ZC3H13: variants seen among roughly 807,000 people sequenced by gnomAD.
The protein encoded by ZC3H13 is zinc finger CCCH domain-containing protein 13.
A neutral mutation model predicts 204.1 loss-of-function variants in ZC3H13; 64 were observed. The observed-to-expected ratio is 0.31, with a 90% CI of 0.26 to 0.39. ZC3H13 has a LOEUF of 0.39. Among genes scored for constraint, ZC3H13 ranks in the 10% least tolerant of loss-of-function variants. ZC3H13 has a pLI of 1.00. For synonymous variants in ZC3H13, 667 were observed against 693.7 expected, an observed-to-expected ratio of 0.96 and a Z score of 0.60; for missense variants, 1,833 against 2,082.7, an observed-to-expected ratio of 0.88 and a Z score of 2.33.
At chr13:45,976,044 C>T (rs1953016556) in intron 11 of ZC3H13, 1 of 837,640 alleles carries the variant, frequency 1.2e-6, no homozygotes, top group Admixed American at 6.2e-5. Context: ...TATTTGCCCT[C>T]TAACGACCAT....
At chr13:45,980,083 T>G (rs1953424786) in intron 10 of ZC3H13, 79 bp from the exon 11 acceptor site, 8 of 1,157,824 alleles carry the variant, frequency 6.9e-6, no homozygotes, top group Middle Eastern at 2.8e-4. Context: ...TCTTTCCTCC[T>G]AAACATCACT....
intron 4 of ZC3H13, among the ~76,000 whole-genome samples, chr13:46,039,570 C>A (rs79109188): frequency 0.014 from 2,086 of 152,188 alleles, 40 homozygotes; most frequent in African/African-American, 0.047. Context: ...CAGATGTTTG[C>A]TCCTTATACT....
chr13:45,969,052 T>C lies in ZC3H13; in HGVS notation c.3492A>G (p.Arg1164=). 1 of 1,614,214 alleles carries C rather than the reference T, an allele frequency of 6.2e-7. No homozygotes were observed. Among genetic ancestry groups the C allele is most frequent in the Non-Finnish European group, 8.5e-7 (1 of 1,180,032 alleles). Residue 1164 remains arginine, a synonymous_variant, in exon 14 of 19, where the codon CGA becomes CGG. Transcript: ENST00000679008. ...EDSHRKCHRT[R]VEKVETPHVT... ...CGTGAGGCGTCTCTACTTTTTCTAC[T>C]CGTGTTCTGTGGCATTTTCTGTGTG... is the stretch of plus-strand genomic sequence containing the variant.
intron 12 of ZC3H13, among the ~76,000 whole-genome samples, chr13:45,972,095 A>G (rs1053792007): frequency 6.6e-6 from 1 of 152,090 alleles, no homozygotes; most frequent in African/African-American, 2.4e-5. Context: ...CAGTATGGAG[A>G]GTCCCTAAAG....
rs901319444 is a variant in ZC3H13, at chr13:45,976,336, G to A, written c.1913-498C>T. 3.6e-6 allele frequency: 3 copies of A among 837,042 alleles called. No homozygotes were observed. In the African/African-American group the frequency reaches 5.5e-5, roughly 15 times the overall value. 51.9% of individuals were successfully genotyped at this position (837,042 alleles called of 1,614,324 possible). ...CAGGCCAAAATATATACACATCAAA[G>A]TGCAGCTATTATGTGAGGAAAATAT... is the stretch of plus-strand genomic sequence containing the variant. On this transcript the variant is annotated intron_variant, in intron 11 of 18. Coordinates refer to ENST00000679008, the MANE Select transcript of ZC3H13 (RefSeq NM_001330564.2).
Position 45,969,989 on chromosome 13 carries a change from G to T in ZC3H13, c.2573-18C>A. Reference sequence around the variant, plus strand: ...TTTTTCATCTATATAAAAGATAAAAGCAATCACACTCTCACCAGGTTAGTA... The same window carrying T: ...TTTTTCATCTATATAAAAGATAAAATCAATCACACTCTCACCAGGTTAGTA... On this transcript the variant is annotated intron_variant, in intron 13 of 18. Coordinates refer to ENST00000679008, the MANE Select transcript of ZC3H13 (RefSeq NM_001330564.2). 6.3e-7 allele frequency: 1 copy of T among 1,585,870 alleles called. No individual in the cohort carries two copies.
At chr13:45,993,783 C>T (rs116723807) in intron 8 of ZC3H13, among the ~76,000 whole-genome samples, 4,058 of 152,274 alleles carry the variant, frequency 0.027, 172 homozygotes, top group African/African-American at 0.093. Flanking sequence ...TCATTTCTAA[C>T]TGAACAATCT....
chr13:46,003,384 G>T, intron 7 of ZC3H13, 48 bp from the exon 8 acceptor site: 1 of 1,543,620 alleles, frequency 6.5e-7, no homozygotes, highest in Non-Finnish European at 8.8e-7. Flanking sequence ...ATGCCAAAAG[G>T]ATATTTTTTA....
intron 8 of ZC3H13, among the ~76,000 whole-genome samples, chr13:46,002,508 G>A (rs1408420723): frequency 6.6e-6 from 1 of 152,142 alleles, no homozygotes; most frequent in East Asian, 1.9e-4. Context: ...GCCAGGAGGT[G>A]AAAGAACCCA....
intron 4 of ZC3H13, among the ~76,000 whole-genome samples, chr13:46,039,891 A>G (rs1311185718): frequency 1.3e-5 from 2 of 152,148 alleles, no homozygotes; most frequent in East Asian, 3.9e-4. Flanking sequence ...TGGTGGGAGT[A>G]TTTACATAAA....
intron 8 of ZC3H13, among the ~76,000 whole-genome samples, chr13:46,001,732 T>G (rs918931141): frequency 3.5e-4 from 53 of 150,654 alleles, no homozygotes; most frequent in Non-Finnish European, 6.4e-4. Flanking sequence ...AAAGAACCAT[T>G]AGGGAAAACT....
chr13:46,007,120 T>C (rs1248720264), intron 7 of ZC3H13, among the ~76,000 whole-genome samples: 3 of 152,148 alleles, frequency 2.0e-5, no homozygotes, highest in South Asian at 4.2e-4. Context: ...CACAAACTAT[T>C]TTTACATTAT....
chr13:46,042,327 A>C (rs3783200), intron 3 of ZC3H13, 52 bp from the exon 4 acceptor site: 401,884 of 1,253,276 alleles, frequency 0.32, 65,541 homozygotes, highest in African/African-American at 0.36. Flanking sequence ...AACAACAAAA[A>C]TCTGTATTTA....
chr13:46,050,364 C>T (rs2044317349), intron 1 of ZC3H13, among the ~76,000 whole-genome samples: 1 of 152,104 alleles, frequency 6.6e-6, no homozygotes, highest in Non-Finnish European at 1.5e-5. Context: ...AACACATATG[C>T]GTTCTAGTAT....
chr13:45,964,051 A>C lies in ZC3H13; in HGVS notation c.4475-9T>G. On this transcript the variant is annotated splice_polypyrimidine_tract_variant and intron_variant, in intron 16 of 18. Coordinates refer to ENST00000679008, the MANE Select transcript of ZC3H13 (RefSeq NM_001330564.2). ...TATCACATCTAAGGGATCTGTAAAA[A>C]GTTAAAAAGTAAGATTTGTTTTACA... 6.2e-7 allele frequency: 1 copy of C among 1,603,726 alleles called. No homozygotes were observed.
At chr13:46,029,711 A>G (rs1247274918) in intron 4 of ZC3H13, among the ~76,000 whole-genome samples, 3 of 151,878 alleles carry the variant, frequency 2.0e-5, no homozygotes, top group African/African-American at 7.3e-5. Flanking sequence ...TACAGGCGTG[A>G]GCCACCGCGC....
intron 8 of ZC3H13, among the ~76,000 whole-genome samples, chr13:45,999,896 T>C (rs757160901): frequency 6.6e-6 from 1 of 152,206 alleles, no homozygotes; most frequent in Non-Finnish European, 1.5e-5. Flanking sequence ...TTAGCGAGCA[T>C]GAAACTATTA....
At chr13:45,959,074 T>A (rs1170325549) in intron 18 of ZC3H13, among the ~76,000 whole-genome samples, 1 of 152,226 alleles carries the variant, frequency 6.6e-6, no homozygotes, top group African/African-American at 2.4e-5. Context: ...AATCTCTTTA[T>A]TCCTCTCAAA....
Position 45,988,954 on chromosome 13 carries a change from A to G in ZC3H13, c.1088T>C (p.Leu363Pro), listed in dbSNP as rs2039766149. The change falls in exon 9 of 19, where the codon CTA (leucine) becomes CCA (proline). Residue 363 changes from leucine (L) to proline (P), a missense_variant. Coordinates refer to ENST00000679008, the MANE Select transcript of ZC3H13 (RefSeq NM_001330564.2). ...RTPSPSYQRT[L>P]TPPLRRSASP... ...GGCAGAGCGTCGTAAAGGTGGAGTT[A>G]GTGTCCGCTGATAAGATGGTGAAGG... The G allele has an allele frequency of 5.6e-6, 9 of 1,613,906 alleles. No individual in the cohort carries two copies. Among genetic ancestry groups the G allele is most frequent in the Non-Finnish European group, 7.6e-6 (9 of 1,180,004 alleles).
Sources: allele counts gnomAD v4.1 joint callset (sites outside exome capture counted in the v4.1 genomes callset), GRCh38; gene constraint gnomAD v4.1.1; transcripts MANE v1.5; gene names NCBI Gene and HGNC (gene_info 2026-07-23, HGNC 2026-07-21).